Variants in SLC35F1 observed in about 807,000 individuals in gnomAD.
SLC35F1 encodes solute carrier family 35 member F1, also known as chromosome 6 open reading frame 169.
A neutral mutation model predicts 48.7 loss-of-function variants in SLC35F1; 14 were observed. The observed-to-expected ratio is 0.29, with a 90% CI of 0.19 to 0.45. The LOEUF (loss-of-function observed/expected upper bound fraction) is 0.45. Ranked by LOEUF, SLC35F1 falls within the 20% of genes least tolerant of loss-of-function variation. SLC35F1 has a pLI of 1.00. For synonymous variants in SLC35F1, 190 were observed against 202.2 expected (o/e 0.94, Z 0.51); for missense variants, 404 against 500.0 (o/e 0.81, Z 1.83).
chr6:118,218,422 G>A (rs551389607), intron 2 of SLC35F1, among the ~76,000 whole-genome samples: 1 of 152,214 alleles, frequency 6.6e-6, no homozygotes, highest in East Asian at 1.9e-4. Flanking sequence ...GAGGGAGGGC[G>A]GGGATAGGTA....
At chr6:118,070,994 G>A (rs1163728401) in intron 1 of SLC35F1, among the ~76,000 whole-genome samples, 3 of 5,790 alleles carry the variant, frequency 5.2e-4, no homozygotes, top group African/African-American at 1.8e-3. Flanking sequence ...TATTCTACGT[G>A]TGTGTATATA....
At chr6:118,114,950 G>A (rs1211859124) in intron 1 of SLC35F1, among the ~76,000 whole-genome samples, 1 of 152,154 alleles carries the variant, frequency 6.6e-6, no homozygotes, top group Non-Finnish European at 1.5e-5. Context: ...AGGATAAAAT[G>A]ACTGTTCAGA....
intron 7 of SLC35F1, among the ~76,000 whole-genome samples, chr6:118,288,432 C>A (rs1444337731): frequency 6.6e-6 from 1 of 152,154 alleles, no homozygotes; most frequent in Non-Finnish European, 1.5e-5. Context: ...AAAGGCCAGA[C>A]AACTCAAAGC....
chr6:117,922,315 T>C lies in SLC35F1; in HGVS notation c.173+14416T>C, dbSNP rs116730880. Among the ~76,000 whole-genome samples, 913 of 152,314 alleles carry C rather than the reference T, an allele frequency of 6.0e-3. 6 individuals carry two copies. The highest frequency in any genetic ancestry group is 0.021 in the African/African-American group (878 of 41,568). ...TTCTTATTCTCATTCATAAATACTT[T>C]CCTGAACAAGTTCTACCAGTTAGAT... On this transcript the variant is annotated intron_variant, in intron 1 of 7. Transcript: ENST00000360388.
intron 2 of SLC35F1, among the ~76,000 whole-genome samples, chr6:118,182,437 A>G (rs1232674492): frequency 6.6e-6 from 1 of 151,116 alleles, no homozygotes; most frequent in African/African-American, 2.4e-5. Context: ...GGTTGCAGTG[A>G]CCTGTGTTCA....
intron 1 of SLC35F1, among the ~76,000 whole-genome samples, chr6:118,128,351 C>T (rs1229125984): frequency 6.8e-6 from 1 of 146,304 alleles, no homozygotes; most frequent in Admixed American, 6.9e-5. Flanking sequence ...GCTATAAAGA[C>T]ACATGCACAC....
At chr6:117,911,879 GAC>G (rs1402523691) in intron 1 of SLC35F1, among the ~76,000 whole-genome samples, 4 of 152,182 alleles carry the variant, frequency 2.6e-5, no homozygotes, top group African/African-American at 9.7e-5. Flanking sequence ...AGATTTCTTA[GAC>G]ACATACAGGA....
chr6:118,260,875 T>G (rs1775703603), intron 3 of SLC35F1, among the ~76,000 whole-genome samples: 1 of 152,224 alleles, frequency 6.6e-6, no homozygotes, highest in Admixed American at 6.5e-5. Flanking sequence ...ATTAGTTGTG[T>G]GTATCTACGC....
rs534724037 is a variant in SLC35F1 at position 118,230,288 on chromosome 6, C to T, written c.350-5221C>T. 9.2e-5 allele frequency among the ~76,000 whole-genome samples: 14 copies of T among 151,424 alleles called. No homozygotes were observed. In the South Asian group the frequency reaches 2.3e-3, roughly 25 times the overall value. Reference sequence around the variant, plus strand: ...CCGGGAGGCGGAGGTTGCAGTGAGCCGAGATTACACCACTGCACTCCAGGC... The same window carrying T: ...CCGGGAGGCGGAGGTTGCAGTGAGCTGAGATTACACCACTGCACTCCAGGC... On this transcript the variant is annotated intron_variant, in intron 2 of 7. Transcript: ENST00000360388.
chr6:118,158,275 A>G (rs1774174738), intron 2 of SLC35F1, among the ~76,000 whole-genome samples: 1 of 152,252 alleles, frequency 6.6e-6, no homozygotes, highest in Admixed American at 6.5e-5. Context: ...CATAATAATT[A>G]CATTAATTTT....
At chr6:118,053,328 T>C (rs1380282745) in intron 1 of SLC35F1, among the ~76,000 whole-genome samples, 1 of 152,144 alleles carries the variant, frequency 6.6e-6, no homozygotes, top group Non-Finnish European at 1.5e-5. Context: ...ATAATAATTC[T>C]ATAGAGAGCA....
intron 2 of SLC35F1, among the ~76,000 whole-genome samples, chr6:118,162,146 T>C (rs189631952): frequency 1.4e-4 from 21 of 152,258 alleles, no homozygotes; most frequent in Non-Finnish European, 2.9e-4. Context: ...ATAAAAAAAT[T>C]ACAGTTAATT....
Position 118,206,383 on chromosome 6 carries a change from C to T in SLC35F1, c.350-29126C>T, listed in dbSNP as rs1353515866. On this transcript the variant is annotated intron_variant, in intron 2 of 7. Transcript: ENST00000360388. ...AAAGTACTTTGGGGTTATACCCATT[C>T]CTTCCCTAACCTTACTTCTTACTCT... is the stretch of plus-strand genomic sequence containing the variant. 2.6e-5 allele frequency among the ~76,000 whole-genome samples: 4 copies of T among 152,256 alleles called. No homozygotes were observed. The East Asian group carries it at 5.8e-4, about 22-fold the overall frequency.
chr6:117,955,298 A>G (rs1776414413), intron 1 of SLC35F1, among the ~76,000 whole-genome samples: 1 of 152,228 alleles, frequency 6.6e-6, no homozygotes, highest in East Asian at 1.9e-4. Context: ...CTGCATTTTT[A>G]ATACTTATTT....
chr6:117,934,669 C>T (rs1186783943), intron 1 of SLC35F1, among the ~76,000 whole-genome samples: 1 of 152,076 alleles, frequency 6.6e-6, no homozygotes, highest in African/African-American at 2.4e-5. Flanking sequence ...ATTAGACAAA[C>T]CATTATATTT....
At chr6:117,959,828 G>T (rs1776475271) in intron 1 of SLC35F1, among the ~76,000 whole-genome samples, 2 of 152,060 alleles carry the variant, frequency 1.3e-5, no homozygotes, top group Admixed American at 6.5e-5. Flanking sequence ...CCTACTATGT[G>T]ATAAACAATT....
intron 1 of SLC35F1, among the ~76,000 whole-genome samples, chr6:118,120,320 C>T (rs1041306151): frequency 1.3e-5 from 2 of 152,158 alleles, no homozygotes; most frequent in African/African-American, 4.8e-5. Flanking sequence ...TTAAGGGCCA[C>T]ATCAACTAAC....
chr6:118,224,918 G>T (rs915240838), intron 2 of SLC35F1, among the ~76,000 whole-genome samples: 15 of 151,880 alleles, frequency 9.9e-5, no homozygotes, highest in African/African-American at 2.4e-5. Context: ...TTGCCTAATT[G>T]CTCTGGCCTG....
intron 1 of SLC35F1, among the ~76,000 whole-genome samples, chr6:118,003,625 G>A (rs1239288275): frequency 6.6e-6 from 1 of 152,178 alleles, no homozygotes; most frequent in African/African-American, 2.4e-5. Flanking sequence ...TTTTCTCATC[G>A]GTAAATGGAG....
Sources: gnomAD v4.1 joint callset for allele counts (sites outside exome capture counted in the v4.1 genomes callset) on GRCh38, gnomAD v4.1.1 for gene constraint, MANE v1.5 for transcripts, NCBI Gene and HGNC (gene_info 2026-07-23, HGNC 2026-07-21) for gene names.